The following SLC2A9 variants were observed in gnomAD, a reference collection of about 807,000 sequenced individuals.
SLC2A9 encodes solute carrier family 2 member 9, also known as solute carrier family 2, facilitated glucose transporter member 9.
A neutral mutation model predicts 50.6 loss-of-function variants in SLC2A9; 39 were observed. The ratio of observed to expected loss-of-function variants is 0.77; its 90% CI spans 0.60 to 1.01. The LOEUF is 1.01. Among genes scored for constraint, SLC2A9 ranks in the 50% least tolerant of loss-of-function variants. The pLI, the probability that SLC2A9 is intolerant of heterozygous loss-of-function variation, is 0.00. For synonymous variants in SLC2A9, 324 were observed against 276.9 expected, an observed-to-expected ratio of 1.17 and a Z score of -1.69; for missense variants, 686 against 677.6, an observed-to-expected ratio of 1.01 and a Z score of -0.14.
intron 10 of SLC2A9, among the ~76,000 whole-genome samples, chr4:9,860,420 G>C (rs1319456479): frequency 1.3e-5 from 2 of 152,220 alleles, no homozygotes; most frequent in Non-Finnish European, 2.9e-5. Context: ...AACGAAGATG[G>C]GGAGATGAAT....
At position 9,957,370 on chromosome 4, in the gene SLC2A9, G is replaced by A. The variant is rs182433995; in HGVS notation, c.682-15325C>T. On this transcript the variant is annotated intron_variant, in intron 5 of 11. Coordinates refer to ENST00000264784, the MANE Select transcript of SLC2A9 (RefSeq NM_020041.3). ...GCCTCCCAATACAAATCCTGCTCAC[G>A]CTGTCATCACTCTTGAGTGAAGCCT... is the stretch of plus-strand genomic sequence containing the variant. Among the ~76,000 whole-genome samples, 210 of 152,212 alleles carry A rather than the reference G, an allele frequency of 1.4e-3. 1 individual carries two copies. Among genetic ancestry groups the A allele is most frequent in the Non-Finnish European group, 2.4e-3 (163 of 68,018 alleles).
At chr4:9,910,691 A>C (rs1253419637) in intron 7 of SLC2A9, among the ~76,000 whole-genome samples, 1 of 151,934 alleles carries the variant, frequency 6.6e-6, no homozygotes, top group Non-Finnish European at 1.5e-5. Flanking sequence ...TGTGGCCAGC[A>C]CCTCCTTCTG....
chr4:9,783,452 G>A (rs1313148404), intron 3 of SLC2A9: 1 of 1,607,334 alleles, frequency 6.2e-7, no homozygotes, highest in Non-Finnish European at 8.5e-7. Context: ...CACCCCGAAT[G>A]GATTCCATTA....
At chr4:9,833,039 A>G (rs549781250) in intron 11 of SLC2A9, among the ~76,000 whole-genome samples, 23 of 152,192 alleles carry the variant, frequency 1.5e-4, no homozygotes, top group Non-Finnish European at 1.9e-4. Context: ...TGGGGGAACC[A>G]TGTTGACAGA....
intron 2 of SLC2A9, among the ~76,000 whole-genome samples, chr4:10,003,857 A>G (rs1760302442): frequency 6.6e-6 from 1 of 152,218 alleles, no homozygotes; most frequent in East Asian, 1.9e-4. Context: ...CATAGTTACA[A>G]TATGCTCTGT....
intron 6 of SLC2A9, among the ~76,000 whole-genome samples, chr4:9,921,493 G>A (rs563456141): frequency 3.3e-5 from 5 of 152,284 alleles, no homozygotes; most frequent in South Asian, 2.1e-4. Context: ...TGGCTCCTGC[G>A]GACAGTCCAT....
At chr4:9,893,014 C>G (rs554078387) in intron 8 of SLC2A9, among the ~76,000 whole-genome samples, 156 of 152,164 alleles carry the variant, frequency 1.0e-3, no homozygotes, top group Non-Finnish European at 1.9e-3. Flanking sequence ...AACAGAGGCA[C>G]AGAGTCTTTG....
chr4:9,986,513 G>C (rs1212950468), intron 3 of SLC2A9, among the ~76,000 whole-genome samples: 1 of 152,222 alleles, frequency 6.6e-6, no homozygotes, highest in African/African-American at 2.4e-5. Flanking sequence ...GAGAGAGAGA[G>C]CCCAGAAGGG....
chr4:9,965,256 A>G (rs997972747), intron 5 of SLC2A9, among the ~76,000 whole-genome samples: 25 of 152,358 alleles, frequency 1.6e-4, no homozygotes, highest in African/African-American at 5.5e-4. Flanking sequence ...GCAGTCGGGC[A>G]CGAGGGCCCA....
At chr4:9,959,914 T>C (rs1407655560) in intron 5 of SLC2A9, among the ~76,000 whole-genome samples, 1 of 152,192 alleles carries the variant, frequency 6.6e-6, no homozygotes, top group Non-Finnish European at 1.5e-5. Context: ...AGGGTCCGAC[T>C]TGACTGCTAG....
At chr4:9,993,652 C>T (rs1758094843) in intron 3 of SLC2A9, among the ~76,000 whole-genome samples, 2 of 152,094 alleles carry the variant, frequency 1.3e-5, no homozygotes, top group African/African-American at 4.8e-5. Context: ...TAGTCACTGT[C>T]CTGTCTCATG....
intron 10 of SLC2A9, chr4:9,879,987 G>T: frequency 1.0e-6 from 1 of 985,418 alleles, no homozygotes; most frequent in South Asian, 4.7e-5. Context: ...CACAGAAGCT[G>T]CCTCAGGCGG....
At chr4:9,837,896 A>G (rs914731517) in intron 10 of SLC2A9, among the ~76,000 whole-genome samples, 2 of 152,174 alleles carry the variant, frequency 1.3e-5, no homozygotes, top group African/African-American at 4.8e-5. Flanking sequence ...AGCATAGTGG[A>G]CTGGAGCTTG....
intron 3 of SLC2A9, among the ~76,000 whole-genome samples, chr4:9,808,789 G>A (rs1339218691): frequency 6.6e-6 from 1 of 152,256 alleles, no homozygotes; most frequent in East Asian, 1.9e-4. Context: ...CTGTCTTTTG[G>A]CTTAGGAATC....
chr4:9,949,871 T>C (rs1334245167), intron 5 of SLC2A9, among the ~76,000 whole-genome samples: 2 of 152,210 alleles, frequency 1.3e-5, no homozygotes, highest in South Asian at 2.1e-4. Context: ...GGTTGCTTTG[T>C]TACATCTTTG....
chr4:9,823,600 T>A (rs551627824), downstream of SLC2A9, among the ~76,000 whole-genome samples: 1 of 152,196 alleles, frequency 6.6e-6, no homozygotes, highest in Admixed American at 6.5e-5. Flanking sequence ...ATTCTACTCA[T>A]TTGTAAAGTT....
intron 8 of SLC2A9, among the ~76,000 whole-genome samples, chr4:9,903,793 C>A (rs934412241): frequency 2.7e-5 from 4 of 146,200 alleles, no homozygotes; most frequent in African/African-American, 5.0e-5. Flanking sequence ...ATATTTATTG[C>A]CTTCTTTTCA....
In SLC2A9 at chr4:9,826,860, T is replaced by C. The variant is rs4697895; in HGVS notation, c.1420-260A>G. Among the ~76,000 whole-genome samples, 32,246 of 152,156 alleles carry C rather than the reference T, an allele frequency of 0.21. 3,517 individuals are homozygous for C. Among genetic ancestry groups the C allele is most frequent in the Admixed American group, 0.28 (4,289 of 15,282 alleles). On this transcript the variant is annotated intron_variant, in intron 11 of 11. Transcript: ENST00000264784. Reference sequence around the variant, plus strand: ...TGTTGTTGTTGTTGCAAATTTGGCATTTAAAAATTAATCATCACGAAAGCA... The same window carrying C: ...TGTTGTTGTTGTTGCAAATTTGGCACTTAAAAATTAATCATCACGAAAGCA...
chr4:9,880,114 C>G, intron 10 of SLC2A9: 4 of 985,386 alleles, frequency 4.1e-6, no homozygotes, highest in Non-Finnish European at 4.8e-6. Flanking sequence ...CCGGGTGGCT[C>G]CCCTGGGGAC....
Sources: allele counts gnomAD v4.1 joint callset (sites outside exome capture counted in the v4.1 genomes callset), GRCh38; gene constraint gnomAD v4.1.1; transcripts MANE v1.5; gene names NCBI Gene and HGNC (gene_info 2026-07-23, HGNC 2026-07-21).